SAE1: variants seen among roughly 807,000 people sequenced by gnomAD.
SAE1 encodes SUMO1 activating enzyme subunit 1.
Under a neutral mutation model 40.6 loss-of-function variants are expected in SAE1, and 11 were observed. That is an observed-to-expected ratio of 0.27 (90% CI 0.17 to 0.45). The LOEUF is 0.45. Ranked by LOEUF, SAE1 falls within the 20% of genes least tolerant of loss-of-function variation. SAE1 has a pLI of 1.00. For synonymous variants in SAE1, 155 were observed against 154.3 expected, an observed-to-expected ratio of 1.00 and a Z score of -0.03; for missense variants, 373 against 427.3, an observed-to-expected ratio of 0.87 and a Z score of 1.12.
chr19:47,170,068 G>T (rs1037053473), intron 6 of SAE1, 145 bp downstream of exon 6: 2 of 651,700 alleles, frequency 3.1e-6, no homozygotes, highest in Non-Finnish European at 5.6e-6. Context: ...TTGAGAAAGG[G>T]GTGGTCACTT....
At chr19:47,166,317 A>G (rs2058391965) in intron 5 of SAE1, among the ~76,000 whole-genome samples, 1 of 152,222 alleles carries the variant, frequency 6.6e-6, no homozygotes. Context: ...AATCTGGCAC[A>G]GAACTCCTAA....
In SAE1 at chr19:47,168,664, G is replaced by A. The variant is rs373889913; in HGVS notation, c.628-1154G>A. Among the ~76,000 whole-genome samples the A allele has an allele frequency of 2.6e-5, 4 of 151,944 alleles. No homozygotes were observed. In the East Asian group the frequency reaches 7.7e-4, roughly 29 times the overall value. On this transcript the variant is annotated intron_variant, in intron 5 of 8. Transcript: ENST00000270225. ...GTTGCTGAGGCTGGAGTGCAATGGC[G>A]CGATCTCAGCTCACTGCAACCTCCC...
chr19:47,180,953 A>G (rs1050368399), intron 6 of SAE1, among the ~76,000 whole-genome samples: 11 of 152,082 alleles, frequency 7.2e-5, no homozygotes, highest in African/African-American at 2.2e-4. Context: ...GGAATATGTA[A>G]CCCTGGGTTG....
At chr19:47,164,539 C>T (rs919976596) in intron 5 of SAE1, among the ~76,000 whole-genome samples, 2 of 151,880 alleles carry the variant, frequency 1.3e-5, no homozygotes, top group East Asian at 3.9e-4. Context: ...TTACCAGTCA[C>T]CTATTGTATT....
chr19:47,199,737 C>T (rs2058640588), intron 7 of SAE1, among the ~76,000 whole-genome samples: 1 of 152,132 alleles, frequency 6.6e-6, no homozygotes, highest in Non-Finnish European at 1.5e-5. Flanking sequence ...CCCTGCATGA[C>T]CCAGTCCTTC....
chr19:47,199,906 T>C (rs1467328027), intron 7 of SAE1, among the ~76,000 whole-genome samples: 1 of 151,680 alleles, frequency 6.6e-6, no homozygotes, highest in Non-Finnish European at 1.5e-5. Context: ...AGGCACCTTG[T>C]AAACTGCTGC....
chr19:47,183,990 TGTC>T (rs1165750348), intron 6 of SAE1, among the ~76,000 whole-genome samples: 1 of 152,250 alleles, frequency 6.6e-6, no homozygotes, highest in African/African-American at 2.4e-5. Flanking sequence ...TTATTCTTGT[TGTC>T]CACATTATTT....
intron 6 of SAE1, among the ~76,000 whole-genome samples, chr19:47,181,787 T>TC (rs2058508630): frequency 6.7e-6 from 1 of 148,676 alleles, no homozygotes; most frequent in Admixed American, 6.7e-5. Flanking sequence ...CCTCTTTTTT[T>TC]TTTTTTTTTT....
intron 6 of SAE1, among the ~76,000 whole-genome samples, chr19:47,181,660 G>T (rs1035278980): frequency 2.0e-5 from 3 of 150,776 alleles, no homozygotes; most frequent in African/African-American, 7.3e-5. Flanking sequence ...TGTATTTTTG[G>T]TAGAGATGGG....
chr19:47,205,192 C>G (rs185465355), intron 8 of SAE1, among the ~76,000 whole-genome samples: 9 of 152,236 alleles, frequency 5.9e-5, no homozygotes, highest in African/African-American at 9.6e-5. Context: ...TTGGCCATGT[C>G]CATGTACATG....
At chr19:47,157,845 A>G (rs1382996758) in intron 5 of SAE1, among the ~76,000 whole-genome samples, 2 of 152,124 alleles carry the variant, frequency 1.3e-5, no homozygotes, top group African/African-American at 4.8e-5. Context: ...CCTGCTGACA[A>G]TCCCTGGGAT....
chr19:47,178,502 T>C (rs1386159450), intron 6 of SAE1, among the ~76,000 whole-genome samples: 1 of 152,182 alleles, frequency 6.6e-6, no homozygotes, highest in Non-Finnish European at 1.5e-5. Flanking sequence ...TGAGACAGAG[T>C]CTAGCTTTGT....
At chr19:47,155,881 C>T (rs2058321041) in intron 5 of SAE1, among the ~76,000 whole-genome samples, 1 of 149,432 alleles carries the variant, frequency 6.7e-6, no homozygotes, top group Admixed American at 6.7e-5. Flanking sequence ...GCTGGGACTA[C>T]AGGTGTGTGC....
chr19:47,146,746 A>C (rs1362121274), intron 2 of SAE1, among the ~76,000 whole-genome samples: 1 of 152,194 alleles, frequency 6.6e-6, no homozygotes, highest in African/African-American at 2.4e-5. Context: ...TCCAGAGCCC[A>C]TGTTCTCAGC....
chr19:47,184,190 G>A (rs1026553715), intron 6 of SAE1, among the ~76,000 whole-genome samples: 1 of 152,056 alleles, frequency 6.6e-6, no homozygotes, highest in Non-Finnish European at 1.5e-5. Context: ...ATGGGCTCTG[G>A]GTTAGGGGAG....
intron 6 of SAE1, among the ~76,000 whole-genome samples, chr19:47,190,318 C>A (rs1413206071): frequency 6.6e-6 from 1 of 151,898 alleles, no homozygotes; most frequent in East Asian, 1.9e-4. Flanking sequence ...GTGGGAGGTG[C>A]TCTTCAGAAA....
chr19:47,139,586 C>CTTTTT (rs71179299), intron 1 of SAE1, among the ~76,000 whole-genome samples: 5 of 122,806 alleles, frequency 4.1e-5, no homozygotes, highest in Admixed American at 8.7e-5. Flanking sequence ...GAATGTGTAT[C>CTTTTT]TTTTTTTTTT....
chr19:47,140,102 TA>T (rs952456255), intron 1 of SAE1, among the ~76,000 whole-genome samples: 5 of 150,234 alleles, frequency 3.3e-5, no homozygotes, highest in African/African-American at 1.2e-4. Context: ...CACTCCCGGC[TA>T]ATTTTTTTTT....
chr19:47,137,848 C>A (rs910371582), intron 1 of SAE1, among the ~76,000 whole-genome samples: 1 of 151,604 alleles, frequency 6.6e-6, no homozygotes, highest in South Asian at 2.1e-4. Flanking sequence ...CCTGCCTTAG[C>A]CTCTGGAGTA....
Sources: allele counts gnomAD v4.1 joint callset (sites outside exome capture counted in the v4.1 genomes callset), GRCh38; gene constraint gnomAD v4.1.1; transcripts MANE v1.5; gene names NCBI Gene and HGNC (gene_info 2026-07-23, HGNC 2026-07-21).